GPR35: variants seen among roughly 807,000 people sequenced by gnomAD.
GPR35 encodes the protein G protein-coupled receptor 35.
For missense variants in GPR35, 372 were observed against 422.5 expected (o/e 0.88, Z 1.05); for synonymous variants, 207 against 198.4 (o/e 1.04, Z -0.36).
upstream of GPR35, among the ~76,000 whole-genome samples, chr2:240,623,170 G>T (rs1336158738): frequency 6.6e-6 from 1 of 152,196 alleles, no homozygotes; most frequent in East Asian, 1.9e-4. Flanking sequence ...CAGAGGCCGG[G>T]CTCTGTGCCA....
rs376160377 is a variant in GPR35, at chr2:240,632,051, G to A, written c.*1169G>A. The stretch of plus-strand genomic sequence containing the variant: ...AGGGTGCATGCCCAGGTGGGCCCAT[G>A]CCCAGGAAGGTCCATGCCCAGGATG... On this transcript the variant is annotated 3_prime_UTR_variant, in exon 2 of 2. Transcript: ENST00000407714. Among the ~76,000 whole-genome samples, 13 of 152,324 alleles carry A rather than the reference G, an allele frequency of 8.5e-5. No homozygotes were observed. The highest frequency in any genetic ancestry group is 3.1e-4 in the African/African-American group (13 of 41,572).
At chr2:240,623,859 T>C (rs887797976), upstream of GPR35, among the ~76,000 whole-genome samples, 4 of 152,142 alleles carry the variant, frequency 2.6e-5, no homozygotes, top group Non-Finnish European at 5.9e-5. Context: ...CCCTGCCCAG[T>C]GGGGCTTCCC....
Position 240,631,433 on chromosome 2 carries a change from T to C in GPR35, c.*551T>C, listed in dbSNP as rs575920397. Reference sequence around the variant, plus strand: ...CACCTGGAGCGTGAGCAGGGGCTGTTGGAAGCTCCTGGCAGGACCACAGTA... The same window carrying C: ...CACCTGGAGCGTGAGCAGGGGCTGTCGGAAGCTCCTGGCAGGACCACAGTA... On this transcript the variant is annotated 3_prime_UTR_variant, in exon 2 of 2. Transcript: ENST00000407714. Among the ~76,000 whole-genome samples, 251 of 152,218 alleles carry C rather than the reference T, an allele frequency of 1.6e-3. 2 individuals carry two copies. Among genetic ancestry groups the C allele is most frequent in the South Asian group, 5.8e-3 (28 of 4,830 alleles).
chr2:240,627,095 G>A (rs977897133), intron 1 of GPR35, among the ~76,000 whole-genome samples: 13 of 152,344 alleles, frequency 8.5e-5, no homozygotes, highest in East Asian at 1.9e-4. Context: ...CACGGTCCCC[G>A]GCAGCGGGAG....
intron 2 of GPR35, among the ~76,000 whole-genome samples, chr2:240,608,354 A>G (rs1287743216): frequency 6.6e-6 from 1 of 152,182 alleles, no homozygotes. Flanking sequence ...GAGTATAGTG[A>G]GAAAGTTTGG....
intron 1 of GPR35, chr2:240,628,921 G>A (rs1350672582): frequency 6.6e-6 from 1 of 152,264 alleles, no homozygotes; most frequent in Non-Finnish European, 1.5e-5. Flanking sequence ...CTCACCAGCA[G>A]CTCCGTCTCA....
intron 4 of GPR35, chr2:240,617,425 C>A: frequency 1.7e-6 from 1 of 596,102 alleles, no homozygotes; most frequent in Non-Finnish European, 3.0e-6. Context: ...AGGTAGCTGA[C>A]AATGCACAGC....
chr2:240,615,731 C>T (rs914040440), intron 2 of GPR35, among the ~76,000 whole-genome samples: 3 of 152,198 alleles, frequency 2.0e-5, no homozygotes, highest in African/African-American at 7.2e-5. Context: ...CACATCTAGC[C>T]AAGAAATGAA....
rs535196046 is a variant in GPR35, at chr2:240,630,111, G to A, written c.159G>A (p.Thr53=). 7.0e-5 allele frequency: 113 copies of A among 1,607,504 alleles called. No homozygotes were observed. The South Asian group carries it at 7.9e-4, about 11-fold the overall frequency. ...TCTGCTGCCGCATGCAGCAGTGGAC[G>A]GAGACCCGCATCTACATGACCAACC... ...WVFCCRMQQW[T]ETRIYMTNLA... The change falls in exon 2 of 2, where the codon ACG becomes ACA. Residue 53 remains threonine, a synonymous_variant. Coordinates refer to ENST00000407714, the MANE Select transcript of GPR35 (RefSeq NM_005301.5).
intron 2 of GPR35, among the ~76,000 whole-genome samples, chr2:240,610,978 G>A (rs530059914): frequency 6.6e-6 from 1 of 151,662 alleles, no homozygotes; most frequent in South Asian, 2.1e-4. Context: ...TGTCACCCAG[G>A]CTAGTGTGCA....
Position 240,630,671 on chromosome 2 carries a change from GC to G in GPR35, c.721del (p.Leu241SerfsTer20). The stretch of plus-strand genomic sequence containing the variant: ...CCCCTGCACGTGGGGCTGACAGTGC[GC>G]CTCGCAGTGGGCTGGAACGCCTGTG... Reference protein sequence around the residue: ...FLPLHVGLTVRLAVGWNACAL... With the variant: ...FLPLHVGLTVXLAVGWNACAL... On this transcript the variant is annotated frameshift_variant, in exon 2 of 2. Coordinates refer to ENST00000407714, the MANE Select transcript of GPR35 (RefSeq NM_005301.5). LOFTEE classifies it low-confidence loss of function (END_TRUNC). 1 of 1,613,234 alleles carries G rather than the reference GC, an allele frequency of 6.2e-7. No homozygotes were observed. The highest frequency in any genetic ancestry group is 2.2e-5 in the East Asian group (1 of 44,880).
rs1007169139 is a variant in GPR35 at position 240,618,876 on chromosome 2, C to T, written c.-148-12C>T. On this transcript the variant is annotated splice_polypyrimidine_tract_variant and intron_variant, in intron 4 of 5. Transcript: ENST00000319838. ...ACAGTGTGTAGAAATATTTCTCCCTCCTCTTTGCAAGTGCTCAGTGTCCTG... is the reference window on the plus strand; with the variant it reads ...ACAGTGTGTAGAAATATTTCTCCCTTCTCTTTGCAAGTGCTCAGTGTCCTG... 4 of 656,966 alleles carry T rather than the reference C, an allele frequency of 6.1e-6. No individual in the cohort carries two copies. The African/African-American group carries it at 7.2e-5, about 12-fold the overall frequency. 40.7% of individuals were successfully genotyped at this position (656,966 alleles called of 1,614,324 possible).
At chr2:240,612,465 G>T (rs1224907375) in intron 2 of GPR35, among the ~76,000 whole-genome samples, 1 of 148,946 alleles carries the variant, frequency 6.7e-6, no homozygotes, top group Non-Finnish European at 1.5e-5. Context: ...GGGACTTACT[G>T]ACTTGGCCAA....
At chr2:240,616,317 G>A (rs547734238) in intron 2 of GPR35, 34 of 694,286 alleles carry the variant, frequency 4.9e-5, no homozygotes, top group Admixed American at 1.9e-4. Flanking sequence ...AGGTCCCCGC[G>A]GTCCCGGCCG....
chr2:240,619,698 C>T (rs1327579454), intron 5 of GPR35, among the ~76,000 whole-genome samples: 1 of 152,212 alleles, frequency 6.6e-6, no homozygotes, highest in Non-Finnish European at 1.5e-5. Context: ...CAGCACACGA[C>T]ACACACTCCG....
At chr2:240,610,195 T>C (rs543583170) in intron 2 of GPR35, among the ~76,000 whole-genome samples, 1 of 152,170 alleles carries the variant, frequency 6.6e-6, no homozygotes, top group Non-Finnish European at 1.5e-5. Flanking sequence ...CCTGACCTTG[T>C]GGTCTGCCCA....
upstream of GPR35, among the ~76,000 whole-genome samples, chr2:240,621,182 G>A (rs1003350105): frequency 6.6e-6 from 1 of 152,368 alleles, no homozygotes; most frequent in East Asian, 1.9e-4. Context: ...GGCCTCGGGG[G>A]CACAGCGCTT....
rs1377548451 is a variant in GPR35 at position 240,625,930 on chromosome 2, GGGGTGAGGCTGTGATGGGTTCTCAGAGCA to G, written c.-5+410_-5+438del. On this transcript the variant is annotated intron_variant, in intron 1 of 1. Coordinates refer to ENST00000407714, the MANE Select transcript of GPR35 (RefSeq NM_005301.5). ...TGAGGCTCTGATGGGGTCTCAGAGT[GGGGTGAGGCTGTGATGGGTTCTCAGAGCA>G]GGGTGAGGCTGTGATGGGTTCTCAG... 4.0e-3 allele frequency among the ~76,000 whole-genome samples: 513 copies of G among 127,074 alleles called. 29 individuals carry two copies. The highest frequency in any genetic ancestry group is 5.7e-3 in the Non-Finnish European group (315 of 55,614). 83.4% of individuals were successfully genotyped at this position (127,074 alleles called of 152,430 possible).
intron 3 of GPR35, chr2:240,616,524 G>T (rs1436262214): frequency 2.6e-6 from 2 of 778,306 alleles, no homozygotes; most frequent in Admixed American, 1.7e-5. Flanking sequence ...GAGAGTTTTG[G>T]TTTTTTGACA....
Sources: allele counts gnomAD v4.1 joint callset (sites outside exome capture counted in the v4.1 genomes callset), GRCh38; gene constraint gnomAD v4.1.1; transcripts MANE v1.5; gene names NCBI Gene and HGNC (gene_info 2026-07-23, HGNC 2026-07-21).